The following PHKB variants were observed in gnomAD, a reference collection of about 807,000 sequenced individuals.
PHKB encodes the protein phosphorylase kinase regulatory subunit beta.
Under a neutral mutation model 152.1 loss-of-function variants are expected in PHKB, and 122 were observed. That is an observed-to-expected ratio of 0.80 (90% CI 0.69 to 0.93). The LOEUF is 0.93. Ranked by LOEUF, PHKB falls within the 40% of genes least tolerant of loss-of-function variation. PHKB has a pLI of 0.00. For synonymous variants in PHKB, 436 were observed against 464.9 expected (o/e 0.94, Z 0.80); for missense variants, 1,304 against 1,328.4 (o/e 0.98, Z 0.29).
At chr16:47,600,148 A>T (rs888551406) in intron 13 of PHKB, among the ~76,000 whole-genome samples, 1 of 152,200 alleles carries the variant, frequency 6.6e-6, no homozygotes, top group Admixed American at 6.5e-5. Context: ...TGCTTTATGT[A>T]TGCCTAAGTA....
intron 26 of PHKB, among the ~76,000 whole-genome samples, chr16:47,680,002 C>T (rs987251075): frequency 1.5e-4 from 23 of 152,144 alleles, no homozygotes; most frequent in African/African-American, 5.6e-4. Flanking sequence ...TTGTCAAAGG[C>T]GTTTTCTGCA....
At position 47,659,440 on chromosome 16, in the gene PHKB, C is replaced by A. The variant is rs116527652; in HGVS notation, c.1972-1066C>A. On this transcript the variant is annotated intron_variant, in intron 20 of 30. Coordinates refer to ENST00000323584, the MANE Select transcript of PHKB (RefSeq NM_000293.3). ...TTATTTTTAATTAATAATTTATGGC[C>A]TGCTTTTTATGAGTACATTTCTCAA... Among the ~76,000 whole-genome samples, 1,137 of 152,052 alleles carry A rather than the reference C, an allele frequency of 7.5e-3. 19 individuals are homozygous for A. Among genetic ancestry groups the A allele is most frequent in the African/African-American group, 0.026 (1,077 of 41,478 alleles).
intron 8 of PHKB, among the ~76,000 whole-genome samples, chr16:47,582,788 CTT>C (rs1971869804): frequency 6.6e-6 from 1 of 151,952 alleles, no homozygotes; most frequent in South Asian, 2.1e-4. Flanking sequence ...CAGATAATGT[CTT>C]CTTTCTTTCT....
intron 13 of PHKB, among the ~76,000 whole-genome samples, chr16:47,605,480 A>C (rs1972305671): frequency 6.6e-6 from 1 of 152,234 alleles, no homozygotes; most frequent in Non-Finnish European, 1.5e-5. Context: ...TAAATAACAA[A>C]ATACTGTAAT....
intron 7 of PHKB, among the ~76,000 whole-genome samples, chr16:47,560,624 A>G (rs1437443519): frequency 1.3e-5 from 2 of 152,210 alleles, no homozygotes; most frequent in African/African-American, 4.8e-5. Flanking sequence ...TCTGTAATCA[A>G]TCGATTTTCA....
intron 1 of PHKB, among the ~76,000 whole-genome samples, chr16:47,488,955 A>C (rs1970098068): frequency 6.6e-6 from 1 of 152,200 alleles, no homozygotes; most frequent in Admixed American, 6.5e-5. Context: ...TGAATTAAAA[A>C]AATTTTTTTT....
intron 16 of PHKB, among the ~76,000 whole-genome samples, chr16:47,646,899 A>G (rs887880601): frequency 3.9e-5 from 6 of 152,072 alleles, no homozygotes; most frequent in African/African-American, 1.2e-4. Flanking sequence ...ATTGGGAGCT[A>G]TCTTTATCAG....
At chr16:47,557,426 T>C (rs899205816) in intron 7 of PHKB, among the ~76,000 whole-genome samples, 2 of 152,116 alleles carry the variant, frequency 1.3e-5, no homozygotes, top group Admixed American at 6.5e-5. Flanking sequence ...CAAAAGAAAC[T>C]ACCACCAGAG....
rs9938457 is a variant in PHKB, at chr16:47,461,559, G to A, written c.76+133G>A. The A allele has an allele frequency of 1.2e-3, 1,063 of 900,082 alleles. 9 individuals are homozygous for A. In the African/African-American group the frequency reaches 0.014, roughly 12 times the overall value. The allele number at this position is 900,082 out of a possible 1,614,324, so 55.8% of individuals were successfully genotyped here. A position where few individuals can be genotyped will look rare whatever the true frequency, so the allele number is the denominator to read the frequency against. ...CGAGTTCCTCCTTAGAAAGCAGGTGGCGGCCCTGGCCTTGTTTCTAATATC... is the reference window on the plus strand; with the variant it reads ...CGAGTTCCTCCTTAGAAAGCAGGTGACGGCCCTGGCCTTGTTTCTAATATC... On this transcript the variant is annotated intron_variant, in intron 1 of 30. Coordinates refer to ENST00000323584, the MANE Select transcript of PHKB (RefSeq NM_000293.3).
At chr16:47,684,022 CTT>C (rs750820336) in intron 26 of PHKB, among the ~76,000 whole-genome samples, 1 of 143,976 alleles carries the variant, frequency 6.9e-6, no homozygotes. Context: ...TTCTGTATGG[CTT>C]TTTTTTTTTT....
At chr16:47,688,567 T>C (rs1974004649) in intron 26 of PHKB, among the ~76,000 whole-genome samples, 1 of 151,974 alleles carries the variant, frequency 6.6e-6, no homozygotes, top group Non-Finnish European at 1.5e-5. Context: ...GACTACAAAG[T>C]AAAGGAAATT....
chr16:47,606,340 A>G (rs1177486199), intron 13 of PHKB, among the ~76,000 whole-genome samples: 1 of 152,192 alleles, frequency 6.6e-6, no homozygotes, highest in East Asian at 1.9e-4. Context: ...CATATTCACT[A>G]CCTAAAAGCA....
rs890608375 is a variant in PHKB, at chr16:47,648,567, G to A, written c.1643G>A (p.Gly548Glu). Residue 548 changes from glycine to glutamate, a missense_variant, in exon 17 of 31, where the codon GGA becomes GAA. Transcript: ENST00000323584. The stretch of plus-strand genomic sequence containing the variant: ...CAGCTGGGTATCAATGAAAAGTTAG[G>A]ACTCTCTGGAAGGCCAGACAGGCCC... ...YLQLGINEKL[G>E]LSGRPDRPIG... The A allele has an allele frequency of 3.6e-5, 58 of 1,613,164 alleles. No homozygotes were observed. Among genetic ancestry groups the A allele is most frequent in the Non-Finnish European group, 4.6e-5 (54 of 1,179,338 alleles).
In PHKB at chr16:47,580,281, C is replaced by G. The variant is rs1253039718; in HGVS notation, c.711-14C>G. Reference sequence around the variant, plus strand: ...ATACATTAGAGTAATAAAGCATTTCCTTTTCTCTTTTAGCTCGGTTGGTTT... The same window carrying G: ...ATACATTAGAGTAATAAAGCATTTCGTTTTCTCTTTTAGCTCGGTTGGTTT... On this transcript the variant is annotated splice_polypyrimidine_tract_variant and intron_variant, in intron 7 of 30. Transcript: ENST00000323584. 1 of 1,606,038 alleles carries G rather than the reference C, an allele frequency of 6.2e-7. No homozygotes were observed.
chr16:47,550,870 A>C (rs948146347), intron 7 of PHKB, among the ~76,000 whole-genome samples: 1 of 152,186 alleles, frequency 6.6e-6, no homozygotes, highest in African/African-American at 2.4e-5. Context: ...TTGGTAGGCT[A>C]TTAATTACTG....
chr16:47,689,263 A>G (rs373633841), intron 27 of PHKB, 88 bp downstream of exon 27: 1 of 1,323,412 alleles, frequency 7.6e-7, no homozygotes, highest in Non-Finnish European at 1.1e-6. Flanking sequence ...GAAATTGATA[A>G]GATATTAATA....
chr16:47,546,989 A>T (rs1971181500), intron 6 of PHKB, among the ~76,000 whole-genome samples: 1 of 152,124 alleles, frequency 6.6e-6, no homozygotes, highest in African/African-American at 2.4e-5. Flanking sequence ...ACAGTGTCCC[A>T]ATTTTTCTGG....
At chr16:47,679,414 CT>C (rs1286240455) in intron 26 of PHKB, among the ~76,000 whole-genome samples, 2 of 152,104 alleles carry the variant, frequency 1.3e-5, no homozygotes, top group African/African-American at 2.4e-5. Context: ...ATGGAATGTT[CT>C]TCCATTTGTT....
chr16:47,562,936 A>T (rs1971501167), intron 7 of PHKB, among the ~76,000 whole-genome samples: 1 of 152,194 alleles, frequency 6.6e-6, no homozygotes, highest in African/African-American at 2.4e-5. Flanking sequence ...TAATATTCAC[A>T]GCTGTTTACC....
Sources: allele counts gnomAD v4.1 joint callset (sites outside exome capture counted in the v4.1 genomes callset), GRCh38; gene constraint gnomAD v4.1.1; transcripts MANE v1.5; gene names NCBI Gene and HGNC (gene_info 2026-07-23, HGNC 2026-07-21).